Variants in SRPX observed in about 807,000 individuals in gnomAD.
SRPX encodes sushi repeat containing protein X-linked.
SRPX carries 24 observed loss-of-function variants against 38.1 expected under a neutral mutation model. The ratio of observed to expected loss-of-function variants is 0.63; its 90% CI spans 0.46 to 0.89. The LOEUF is 0.89. Ranked by LOEUF, SRPX falls within the 40% of genes least tolerant of loss-of-function variation. The pLI is 0.00. For missense variants in SRPX, 416 were observed against 377.8 expected (o/e 1.10, Z -0.84); for synonymous variants, 184 against 153.8 (o/e 1.20, Z -1.45).
intron 1 of SRPX, among the ~76,000 whole-genome samples, chrX:38,200,623 G>A (rs188600896): frequency 2.4e-4 from 27 of 111,579 alleles, no homozygotes; most frequent in African/African-American, 8.8e-4. Flanking sequence ...GGGCAGAAGG[G>A]AGTACATGAG....
At chrX:38,197,531 G>C (rs1939019824) in intron 1 of SRPX, among the ~76,000 whole-genome samples, 1 of 111,573 alleles carries the variant, frequency 9.0e-6, no homozygotes. Flanking sequence ...GATTAAATTG[G>C]GGTAATTTAC....
At chrX:38,153,248 A>T (rs780315206) in intron 9 of SRPX, among the ~76,000 whole-genome samples, 19 of 105,913 alleles carry the variant, frequency 1.8e-4, no homozygotes, top group African/African-American at 6.5e-4. Context: ...CTCATGAATC[A>T]TCTTATTTTT....
At chrX:38,154,104 T>C (rs186413733) in intron 9 of SRPX, 2 of 146,796 alleles carry the variant, frequency 1.4e-5, no homozygotes, top group African/African-American at 6.2e-5. Context: ...AGACCAAGCC[T>C]GGGAAGTCTA....
chrX:38,171,172 C>T (rs948909791), intron 4 of SRPX, among the ~76,000 whole-genome samples: 16 of 111,417 alleles, frequency 1.4e-4, no homozygotes, highest in African/African-American at 5.2e-4. Flanking sequence ...TGCATTTTTC[C>T]CAAGGTCCCT....
intron 3 of SRPX, 142 bp downstream of exon 3, chrX:38,174,018 A>G: frequency 2.5e-6 from 1 of 396,772 alleles, no homozygotes; most frequent in Non-Finnish European, 3.9e-6. Context: ...CACTTCCACC[A>G]TATCTTAGAA....
chrX:38,198,840 T>A, intron 1 of SRPX, among the ~76,000 whole-genome samples: 1 of 111,462 alleles, frequency 9.0e-6, no homozygotes, highest in Non-Finnish European at 1.9e-5. Flanking sequence ...AAGCCACTCG[T>A]AATAAATATT....
rs544773767 is a variant in SRPX at position 38,176,868 on chromosome X, A to G, written c.157+1417T>C. The stretch of plus-strand genomic sequence containing the variant: ...CACAACATGATGCTTTGATATACTT[A>G]TACATACTGAAATGATTGCTACCAG... On this transcript the variant is annotated intron_variant, in intron 2 of 9. Coordinates refer to ENST00000378533, the MANE Select transcript of SRPX (RefSeq NM_006307.5). 3.3e-4 allele frequency among the ~76,000 whole-genome samples: 37 copies of G among 112,238 alleles called. 1 individual carries two copies. The South Asian group carries it at 0.013, about 41-fold the overall frequency.
chrX:38,171,029 C>CAA (rs58720100), intron 4 of SRPX, among the ~76,000 whole-genome samples: 8 of 108,308 alleles, frequency 7.4e-5, no homozygotes, highest in East Asian at 5.8e-4. Context: ...ATCCTGCAAA[C>CAA]AAAAAAAACA....
chrX:38,212,156 A>G (rs1212833612), intron 1 of SRPX, among the ~76,000 whole-genome samples: 1 of 112,315 alleles, frequency 8.9e-6, no homozygotes, highest in Admixed American at 9.5e-5. Context: ...AATCAGCCTG[A>G]AGATGTGCTT....
chrX:38,218,032 T>G (rs763047839), intron 1 of SRPX, among the ~76,000 whole-genome samples: 17 of 112,338 alleles, frequency 1.5e-4, no homozygotes, highest in Non-Finnish European at 3.2e-4. Flanking sequence ...ACACCTTAAT[T>G]ATATAACCTG....
intron 1 of SRPX, among the ~76,000 whole-genome samples, chrX:38,205,913 T>C (rs1404577631): frequency 1.8e-5 from 2 of 112,496 alleles, no homozygotes; most frequent in Non-Finnish European, 3.8e-5. Context: ...TGTAGTGGAT[T>C]GCCTGCACAG....
chrX:38,209,817 G>C (rs1439589866), intron 1 of SRPX, among the ~76,000 whole-genome samples: 1 of 112,102 alleles, frequency 8.9e-6, no homozygotes, highest in Non-Finnish European at 1.9e-5. Context: ...GGTGGCTTTC[G>C]TCTCAAAAAA....
At chrX:38,164,403 A>C (rs1415164565) in intron 5 of SRPX, among the ~76,000 whole-genome samples, 2 of 112,163 alleles carry the variant, frequency 1.8e-5, no homozygotes, top group East Asian at 5.6e-4. Context: ...TCGTCCTCAC[A>C]AAGTGCTGGG....
chrX:38,158,170 C>T (rs2147765311), intron 7 of SRPX, among the ~76,000 whole-genome samples: 1 of 112,193 alleles, frequency 8.9e-6, no homozygotes, highest in South Asian at 3.8e-4. Flanking sequence ...TCTCTGAAGT[C>T]TGCCTCCTTG....
At chrX:38,153,711 C>T (rs1165589705) in intron 9 of SRPX, among the ~76,000 whole-genome samples, 1 of 111,320 alleles carries the variant, frequency 9.0e-6, no homozygotes, top group African/African-American at 3.3e-5. Flanking sequence ...ACTCTCTTTC[C>T]CCACTTTTGC....
chrX:38,157,290 A>G (rs774228197), intron 7 of SRPX, among the ~76,000 whole-genome samples: 4 of 111,624 alleles, frequency 3.6e-5, no homozygotes, highest in Non-Finnish European at 5.6e-5. Flanking sequence ...TAGATACTGC[A>G]GGTCAGGATC....
chrX:38,191,141 C>G (rs1601864368), intron 1 of SRPX, among the ~76,000 whole-genome samples: 2 of 111,930 alleles, frequency 1.8e-5, no homozygotes, highest in Non-Finnish European at 3.8e-5. Flanking sequence ...ATACCTCTGC[C>G]CTAACATAAG....
chrX:38,212,194 G>A (rs1034587374), intron 1 of SRPX, among the ~76,000 whole-genome samples: 2 of 112,506 alleles, frequency 1.8e-5, no homozygotes, highest in African/African-American at 6.5e-5. Flanking sequence ...AAGCCAGGCA[G>A]GGGCTGTATT....
At chrX:38,210,007 C>G (rs1231718407) in intron 1 of SRPX, among the ~76,000 whole-genome samples, 1 of 112,232 alleles carries the variant, frequency 8.9e-6, no homozygotes, top group Non-Finnish European at 1.9e-5. Context: ...TGTCCTGAAA[C>G]CAAAAACACA....
Sources: gnomAD v4.1 joint callset for allele counts (sites outside exome capture counted in the v4.1 genomes callset) on GRCh38, gnomAD v4.1.1 for gene constraint, MANE v1.5 for transcripts, NCBI Gene and HGNC (gene_info 2026-07-23, HGNC 2026-07-21) for gene names.